The following MEA1 variants were observed in gnomAD, a reference collection of about 807,000 sequenced individuals.
MEA1 encodes male-enhanced antigen 1, also known as Male-enhanced antigen (H-Y structural gene).
MEA1 carries 22 observed loss-of-function variants against 21.4 expected under a neutral mutation model. The observed-to-expected ratio is 1.03, with a 90% CI of 0.73 to 1.47. The LOEUF (loss-of-function observed/expected upper bound fraction) is 1.47. Among genes scored for constraint, MEA1 ranks in the 40% most tolerant of loss-of-function variants. The pLI, the probability that MEA1 is intolerant of heterozygous loss-of-function variation, is 0.00. For missense variants in MEA1, 233 were observed against 230.5 expected, an observed-to-expected ratio of 1.01 and a Z score of -0.07; for synonymous variants, 91 against 85.5, an observed-to-expected ratio of 1.06 and a Z score of -0.35.
rs1285079519 is a variant in MEA1 at position 43,012,530 on chromosome 6, C to T, written c.498G>A (p.Gln166=). The change falls in exon 4 of 4, where the codon CAG becomes CAA. Residue 166 remains glutamine, a synonymous_variant. Transcript: ENST00000244711. ...PAWAREISDA[Q]WEDVVQKALQ... ...GGGCTTTCTGTACCACATCTTCCCA[C>T]TGGGCATCCGATATCTCCCGAGCCC... is the stretch of plus-strand genomic sequence containing the variant. The T allele has an allele frequency of 1.2e-6, 2 of 1,612,304 alleles. No homozygotes were observed. The highest frequency in any genetic ancestry group is 1.7e-6 in the Non-Finnish European group (2 of 1,179,372).
At chr6:43,013,486 C>T in intron 1 of MEA1, 97 bp from the exon 2 acceptor site, 1 of 1,352,452 alleles carries the variant, frequency 7.4e-7, no homozygotes. Context: ...GTGCAAAAAA[C>T]CAGCTCCTCC....
At chr6:43,015,562 A>G (rs1762547254), upstream of MEA1, among the ~76,000 whole-genome samples, 1 of 152,174 alleles carries the variant, frequency 6.6e-6, no homozygotes, top group African/African-American at 2.4e-5. Flanking sequence ...TTAAGAGACC[A>G]TGACCAGCTG....
In MEA1 at chr6:43,012,932, C is replaced by T. The variant is rs763799267; in HGVS notation, c.400G>A (p.Asp134Asn). 9 of 1,613,316 alleles carry T rather than the reference C, an allele frequency of 5.6e-6. No individual in the cohort carries two copies. The highest frequency in any genetic ancestry group is 1.3e-5 in the African/African-American group (1 of 75,036). Reference protein sequence around the residue: ...ALNNHSSIPMDPEHVELVKRT... With the variant: ...ALNNHSSIPMNPEHVELVKRT... ...TGAAAGAATGATCTTTTACCTGGGT[C>T]CATGGGAATAGAGCTGTGGTTGTTC... The change falls in exon 3 of 4, where the codon GAC becomes AAC. Residue 134 changes from aspartate to asparagine, a missense_variant. Transcript: ENST00000244711.
rs1762360053 is a variant in MEA1 at position 43,011,721 on chromosome 6, T to TA, written c.*748dup. ...AGCAGGAGATTATTCTCACCAAAGTTATGTCAAGCCCCATTGGTCCCAGAG... is the reference window on the plus strand; with the variant it reads ...AGCAGGAGATTATTCTCACCAAAGTTAATGTCAAGCCCCATTGGTCCCAGAG... On this transcript the variant is annotated 3_prime_UTR_variant, in exon 4 of 4. Coordinates refer to ENST00000244711, the MANE Select transcript of MEA1 (RefSeq NM_014623.4). 1 of 174,010 alleles carries TA rather than the reference T, an allele frequency of 5.7e-6. No individual in the cohort carries two copies. The allele number at this position is 174,010 out of a possible 1,614,324, so 10.8% of individuals were successfully genotyped here.
At chr6:43,015,157 C>T (rs1348503998), upstream of MEA1, among the ~76,000 whole-genome samples, 1 of 152,152 alleles carries the variant, frequency 6.6e-6, no homozygotes, top group Non-Finnish European at 1.5e-5. Context: ...GCCCATCGAC[C>T]TCCTAACAGT....
At chr6:43,014,684 TAG>T (rs1762517667), upstream of MEA1, 4 of 453,794 alleles carry the variant, frequency 8.8e-6, no homozygotes, top group Admixed American at 2.4e-5. Context: ...AAGACAGGGA[TAG>T]AGTCATATGC....
At position 43,012,169 on chromosome 6, in the gene MEA1, GA is replaced by G. The variant is rs1158886450; in HGVS notation, c.*300del. The G allele has an allele frequency of 9.1e-6, 10 of 1,096,072 alleles. No individual in the cohort carries two copies. In the Admixed American group the frequency reaches 1.5e-4, roughly 16 times the overall value. The allele number at this position is 1,096,072 out of a possible 1,614,324, so 67.9% of individuals were successfully genotyped here. A position where few individuals can be genotyped will look rare whatever the true frequency, so the allele number is the denominator to read the frequency against. ...TCTCTTGTCCCTTATAGGTACCTTG[GA>G]GGGGCCAGGGGCTGAGGAAGGCCGG... On this transcript the variant is annotated 3_prime_UTR_variant, in exon 4 of 4. Coordinates refer to ENST00000244711, the MANE Select transcript of MEA1 (RefSeq NM_014623.4).
Position 43,012,000 on chromosome 6 carries a change from A to G in MEA1, c.*470T>C, listed in dbSNP as rs554105194. The G allele has an allele frequency of 3.7e-4, 63 of 170,180 alleles. 1 individual carries two copies. The highest frequency in any genetic ancestry group is 1.4e-3 in the African/African-American group (60 of 41,918). 10.5% of individuals were successfully genotyped at this position (170,180 alleles called of 1,614,324 possible). On this transcript the variant is annotated 3_prime_UTR_variant, in exon 4 of 4. Coordinates refer to ENST00000244711, the MANE Select transcript of MEA1 (RefSeq NM_014623.4). ...GAGCAGCAGCCCTGGGGTCACAGAC[A>G]TGGAAGGGACCACCCTGGGGCTGAC...
At chr6:43,013,690 T>C in intron 1 of MEA1, 96 bp downstream of exon 1, 1 of 1,295,218 alleles carries the variant, frequency 7.7e-7, no homozygotes, top group Non-Finnish European at 1.1e-6. Context: ...GCGCCACGCC[T>C]CCCCCGCGAC....
intron 1 of MEA1, 89 bp downstream of exon 1, chr6:43,013,697 C>T: frequency 2.9e-6 from 4 of 1,368,374 alleles, no homozygotes; most frequent in Non-Finnish European, 4.1e-6. Flanking sequence ...GCCTCCCCCG[C>T]GACTTGGGAA....
chr6:43,013,690 T>G (rs1182161192), intron 1 of MEA1, 96 bp downstream of exon 1: 179 of 1,295,106 alleles, frequency 1.4e-4, no homozygotes, highest in Non-Finnish European at 5.5e-6. Context: ...GCGCCACGCC[T>G]CCCCCGCGAC....
In MEA1 at chr6:43,011,427, T is replaced by G. The variant is rs1203719673; in HGVS notation, c.*1043A>C. On this transcript the variant is annotated 3_prime_UTR_variant, in exon 4 of 4. Transcript: ENST00000244711. ...CTCAAGGGAGGGGGATGTGGGCACT[T>G]GAAGCAGGGACACCCACAGAATGGT... 8.6e-7 allele frequency: 1 copy of G among 1,159,474 alleles called. No homozygotes were observed. Among genetic ancestry groups the G allele is most frequent in the Admixed American group, 2.7e-5 (1 of 37,644 alleles). 71.8% of individuals were successfully genotyped at this position (1,159,474 alleles called of 1,614,324 possible).
rs761639726 is a variant in MEA1 at position 43,011,302 on chromosome 6, C to T, written c.*1168G>A. On this transcript the variant is annotated 3_prime_UTR_variant, in exon 4 of 4. Coordinates refer to ENST00000244711, the MANE Select transcript of MEA1 (RefSeq NM_014623.4). ...GGCTCTCTGACCCCTCACGTTCCTA[C>T]CACAGGGCCACAGCCCACACAGCCC... 23 of 1,613,122 alleles carry T rather than the reference C, an allele frequency of 1.4e-5. No individual in the cohort carries two copies. The East Asian group carries it at 5.1e-4, about 36-fold the overall frequency.
chr6:43,011,312 A>G lies in MEA1; in HGVS notation c.*1158T>C. 1.2e-6 allele frequency: 2 copies of G among 1,612,716 alleles called. No individual in the cohort carries two copies. Among genetic ancestry groups the G allele is most frequent in the Non-Finnish European group, 8.5e-7 (1 of 1,179,738 alleles). ...CCCCTCACGTTCCTACCACAGGGCC[A>G]CAGCCCACACAGCCCTGGGACACTG... On this transcript the variant is annotated 3_prime_UTR_variant, in exon 4 of 4. Coordinates refer to ENST00000244711, the MANE Select transcript of MEA1 (RefSeq NM_014623.4).
upstream of MEA1, chr6:43,014,039 CA>C (rs1762489051): frequency 2.1e-6 from 3 of 1,421,002 alleles, no homozygotes; most frequent in South Asian, 3.1e-5. Context: ...ATTCCCAGCC[CA>C]AAAAACAAAG....
In MEA1 at chr6:43,013,154, C is replaced by T. The variant is rs1029923203; in HGVS notation, c.264G>A (p.Gly88=). The T allele has an allele frequency of 1.9e-6, 3 of 1,613,998 alleles. No individual in the cohort carries two copies. The African/African-American group carries it at 4.0e-5, about 22-fold the overall frequency. The stretch of plus-strand genomic sequence containing the variant: ...GGATGTCAGCAACTACATCTCCATC[C>T]CCCACTGGTGCCAGTTCCACCTCCT... ...EQEEVELAPV[G]DGDVVADIQD... is the part of the protein sequence containing the mutation. Residue 88 remains glycine (G), a synonymous_variant, in exon 2 of 4, where the codon GGG becomes GGA. Coordinates refer to ENST00000244711, the MANE Select transcript of MEA1 (RefSeq NM_014623.4).
At position 43,013,283 on chromosome 6, in the gene MEA1, G is replaced by A. The variant is rs1467663374; in HGVS notation, c.135C>T (p.Gly45=). 7 of 1,614,144 alleles carry A rather than the reference G, an allele frequency of 4.3e-6. No individual in the cohort carries two copies. Among genetic ancestry groups the A allele is most frequent in the Non-Finnish European group, 5.9e-6 (7 of 1,180,032 alleles). Residue 45 remains glycine (G), a synonymous_variant, in exon 2 of 4, where the codon GGC becomes GGT. Transcript: ENST00000244711. ...EELGHQGPSE[G]TGDWSSEEPE... The stretch of plus-strand genomic sequence containing the variant: ...GCTCCTCACTGCTCCAATCCCCAGT[G>A]CCTTCTGAAGGGCCCTGATGTCCCA...
chr6:43,011,154 A>G lies in MEA1; in HGVS notation c.*1316T>C, dbSNP rs1222786825. ...TTGTCCCTATTCACACACAGATGCT[A>G]AAAGACATCAAGAAGGAGAAAGTGC... On this transcript the variant is annotated 3_prime_UTR_variant, in exon 4 of 4. Transcript: ENST00000244711. 1 of 1,614,154 alleles carries G rather than the reference A, an allele frequency of 6.2e-7. No individual in the cohort carries two copies. The highest frequency in any genetic ancestry group is 8.5e-7 in the Non-Finnish European group (1 of 1,180,006).
chr6:43,013,983 T>A (rs1290649234), upstream of MEA1: 2 of 1,430,178 alleles, frequency 1.4e-6, no homozygotes, highest in East Asian at 5.1e-5. Flanking sequence ...TATCCATGAT[T>A]GACGCTGGCG....
Sources: gnomAD v4.1 joint callset for allele counts (sites outside exome capture counted in the v4.1 genomes callset) on GRCh38, gnomAD v4.1.1 for gene constraint, MANE v1.5 for transcripts, NCBI Gene and HGNC (gene_info 2026-07-23, HGNC 2026-07-21) for gene names.